IFNAR2: variants seen among roughly 807,000 people sequenced by gnomAD.
The protein encoded by IFNAR2 is interferon alpha and beta receptor subunit 2, also known as interferon alpha/beta receptor 2.
A neutral mutation model predicts 49.4 loss-of-function variants in IFNAR2; 30 were observed. That is an observed-to-expected ratio of 0.61 (90% CI 0.45 to 0.82). IFNAR2 has a LOEUF of 0.82. IFNAR2 is among the 40% of genes least tolerant of loss of function. IFNAR2 has a pLI of 0.00. For missense variants in IFNAR2, 600 were observed against 622.7 expected (o/e 0.96, Z 0.39); for synonymous variants, 224 against 234.5 (o/e 0.96, Z 0.41).
Position 33,262,851 on chromosome 21 carries a change from A to ATC in IFNAR2, c.900_901insCT (p.Met301LeufsTer43). ...AACCTGCCACCGTTGGAAGCCATGG[A>ATC]TATGGTGGAGGTCATTTACATCAAC... On this transcript the variant is annotated frameshift_variant, in exon 9 of 9. Coordinates refer to ENST00000342136, the MANE Select transcript of IFNAR2 (RefSeq NM_001289125.3). LOFTEE classifies it high-confidence loss of function. 6.2e-7 allele frequency: 1 copy of ATC among 1,612,858 alleles called. No homozygotes were observed. The highest frequency in any genetic ancestry group is 8.5e-7 in the Non-Finnish European group (1 of 1,179,750).
chr21:33,255,097 G>A (rs1333634206), intron 7 of IFNAR2, among the ~76,000 whole-genome samples: 6 of 152,178 alleles, frequency 3.9e-5, no homozygotes, highest in Non-Finnish European at 8.8e-5. Context: ...GAAAAAACAT[G>A]TCAAACACCT....
intron 6 of IFNAR2, among the ~76,000 whole-genome samples, chr21:33,251,240 G>A (rs931724939): frequency 2.0e-5 from 3 of 152,118 alleles, no homozygotes; most frequent in Non-Finnish European, 4.4e-5. Context: ...AGCATGGTAG[G>A]GAGAGAAGCA....
At chr21:33,255,399 T>G (rs950076951) in intron 7 of IFNAR2, among the ~76,000 whole-genome samples, 8 of 152,220 alleles carry the variant, frequency 5.3e-5, no homozygotes, top group African/African-American at 1.9e-4. Context: ...TCCACCTGAC[T>G]TGGCTACAAA....
chr21:33,247,726 CTG>C (rs1987544247), intron 5 of IFNAR2, among the ~76,000 whole-genome samples: 1 of 152,230 alleles, frequency 6.6e-6, no homozygotes, highest in African/African-American at 2.4e-5. Context: ...CCCTAACACA[CTG>C]TGTTAACAGC....
intron 5 of IFNAR2, 147 bp from the exon 6 acceptor site, chr21:33,248,562 G>A: frequency 1.8e-6 from 1 of 565,510 alleles, no homozygotes; most frequent in Non-Finnish European, 2.9e-6. Context: ...CAGTCACTTA[G>A]TGGAATAGCA....
At chr21:33,235,183 C>T (rs1429127139) in intron 1 of IFNAR2, among the ~76,000 whole-genome samples, 1 of 152,150 alleles carries the variant, frequency 6.6e-6, no homozygotes, top group African/African-American at 2.4e-5. Flanking sequence ...AGGCTTTGGC[C>T]AGCTTCTTTA....
At chr21:33,247,314 C>G (rs984560205) in intron 5 of IFNAR2, among the ~76,000 whole-genome samples, 5 of 140,932 alleles carry the variant, frequency 3.5e-5, no homozygotes, top group Non-Finnish European at 4.5e-5. Context: ...TGCAGTGGTG[C>G]GATCTTCGCT....
intron 8 of IFNAR2, among the ~76,000 whole-genome samples, chr21:33,262,181 A>C (rs997916286): frequency 6.6e-6 from 1 of 152,152 alleles, no homozygotes; most frequent in Non-Finnish European, 1.5e-5. Flanking sequence ...CCTGGCCAAC[A>C]TGGTGAAACC....
chr21:33,263,599 A>G lies in IFNAR2; in HGVS notation c.*99A>G. 8.6e-7 allele frequency: 1 copy of G among 1,166,050 alleles called. No individual in the cohort carries two copies. The highest frequency in any genetic ancestry group is 1.2e-6 in the Non-Finnish European group (1 of 844,806). 72.2% of individuals were successfully genotyped at this position (1,166,050 alleles called of 1,614,324 possible). ...CCTTATCGTCTGCAAGTGTTCTCCA[A>G]GGGAAGGAGGAGGAAACTGTGGTGT... On this transcript the variant is annotated 3_prime_UTR_variant, in exon 9 of 9. Coordinates refer to ENST00000342136, the MANE Select transcript of IFNAR2 (RefSeq NM_001289125.3).
In IFNAR2 at chr21:33,263,692, T is replaced by C. The variant is rs1009915537; in HGVS notation, c.*192T>C. On this transcript the variant is annotated 3_prime_UTR_variant, in exon 9 of 9. Transcript: ENST00000342136. ...GGGGACCATAGTATCATTCAGTGCA[T>C]TGTTTACATATTCAAAGTGGTGCAC... 11 of 591,066 alleles carry C rather than the reference T, an allele frequency of 1.9e-5. No homozygotes were observed. The highest frequency in any genetic ancestry group is 2.7e-5 in the Non-Finnish European group (9 of 334,916). 36.6% of individuals were successfully genotyped at this position (591,066 alleles called of 1,614,324 possible). A position where few individuals can be genotyped will look rare whatever the true frequency, so the allele number is the denominator to read the frequency against.
intron 8 of IFNAR2, 149 bp from the exon 9 acceptor site, chr21:33,262,644 C>G: frequency 8.8e-7 from 1 of 1,138,570 alleles, no homozygotes; most frequent in Non-Finnish European, 1.3e-6. Flanking sequence ...CTCCTGAGCT[C>G]AAACAGTCGT....
rs199604818 is a variant in IFNAR2 at position 33,252,716 on chromosome 21, A to G, written c.595A>G (p.Lys199Glu). ...TGGAAATTTCACCTATATCATTGAC[A>G]AGTTAATTCCAAACACGAACTACTG... Reference protein sequence around the residue: ...MSGNFTYIIDKLIPNTNYCVS... With the variant: ...MSGNFTYIIDELIPNTNYCVS... Residue 199 changes from lysine to glutamate, a missense_variant, in exon 7 of 9, where the codon AAG (lysine) becomes GAG (glutamate). Transcript: ENST00000342136. The G allele has an allele frequency of 6.2e-7, 1 of 1,613,846 alleles. No individual in the cohort carries two copies. Among genetic ancestry groups the G allele is most frequent in the African/African-American group, 1.3e-5 (1 of 75,052 alleles).
In IFNAR2 at chr21:33,263,499, G is replaced by A. The variant is rs1226267282; in HGVS notation, c.1547G>A (p.Ter516=). ...CTTGGGGATGGTTATATAATGAGAT[G>A]ACTCCAAAACTATTGAATGAACTTG... ...VDLGDGYIMR[*] Residue 516 remains the stop codon, a stop_retained_variant, in exon 9 of 9, where the codon TGA becomes TAA. Coordinates refer to ENST00000342136, the MANE Select transcript of IFNAR2 (RefSeq NM_001289125.3). 7 of 1,603,240 alleles carry A rather than the reference G, an allele frequency of 4.4e-6. No homozygotes were observed. Among genetic ancestry groups the A allele is most frequent in the Non-Finnish European group, 6.0e-6 (7 of 1,174,726 alleles).
chr21:33,240,623 A>G (rs1986847447), intron 1 of IFNAR2, among the ~76,000 whole-genome samples: 1 of 152,158 alleles, frequency 6.6e-6, no homozygotes, highest in African/African-American at 2.4e-5. Context: ...CAGCCTGGGC[A>G]ACATAGTGAG....
rs1367707119 is a variant in IFNAR2 at position 33,229,945 on chromosome 21, T to C, written c.-355T>C. 3.1e-6 allele frequency: 3 copies of C among 983,004 alleles called. No individual in the cohort carries two copies. Among genetic ancestry groups the C allele is most frequent in the Non-Finnish European group, 3.6e-6 (3 of 829,204 alleles). The allele number at this position is 983,004 out of a possible 1,614,324, so 60.9% of individuals were successfully genotyped here. A position where few individuals can be genotyped will look rare whatever the true frequency, so the allele number is the denominator to read the frequency against. ...CGCGGCGCCCGCGCTTCCGTATCGC[T>C]CCTCGTAGGCCGGGGCTCGGCGCGC... On this transcript the variant is annotated 5_prime_UTR_variant, in exon 1 of 9. Transcript: ENST00000342136.
intron 7 of IFNAR2, among the ~76,000 whole-genome samples, chr21:33,256,352 C>T (rs912988713): frequency 6.6e-6 from 1 of 152,226 alleles, no homozygotes; most frequent in African/African-American, 2.4e-5. Flanking sequence ...TATCCAAATA[C>T]TGTACCTGAT....
intron 6 of IFNAR2, chr21:33,252,358 G>A (rs759304498): frequency 1.2e-5 from 10 of 835,928 alleles, no homozygotes; most frequent in African/African-American, 3.6e-5. Context: ...AGATAATCTT[G>A]TAAAAATGAC....
chr21:33,244,301 A>G (rs1159213123), intron 3 of IFNAR2, among the ~76,000 whole-genome samples: 1 of 152,182 alleles, frequency 6.6e-6, no homozygotes, highest in Non-Finnish European at 1.5e-5. Context: ...TTAATGTCTC[A>G]TTTATCACTG....
chr21:33,262,636 C>A, intron 8 of IFNAR2, 157 bp from the exon 9 acceptor site: 1 of 1,046,358 alleles, frequency 9.6e-7, no homozygotes, highest in Non-Finnish European at 1.5e-6. Context: ...GTCTGAAACT[C>A]CTGAGCTCAA....
Sources: allele counts gnomAD v4.1 joint callset (sites outside exome capture counted in the v4.1 genomes callset), GRCh38; gene constraint gnomAD v4.1.1; transcripts MANE v1.5; gene names NCBI Gene and HGNC (gene_info 2026-07-23, HGNC 2026-07-21).